ACTR3B: variants seen among roughly 807,000 people sequenced by gnomAD.
The protein encoded by ACTR3B is actin-related protein 3B.
A neutral mutation model predicts 59.0 loss-of-function variants in ACTR3B; 8 were observed. That is an observed-to-expected ratio of 0.14 (90% CI 0.08 to 0.24). The LOEUF (loss-of-function observed/expected upper bound fraction) is 0.24, where lower values mean the gene tolerates loss of function less well. ACTR3B is among the 10% of genes least tolerant of loss of function. The pLI, the probability that ACTR3B is intolerant of heterozygous loss-of-function variation, is 1.00. For missense variants in ACTR3B, 245 were observed against 552.3 expected, an observed-to-expected ratio of 0.44 and a Z score of 5.58; for synonymous variants, 148 against 197.9, an observed-to-expected ratio of 0.75 and a Z score of 2.12.
intron 9 of ACTR3B, among the ~76,000 whole-genome samples, chr7:152,829,746 G>A (rs1026250932): frequency 8.5e-5 from 13 of 152,260 alleles, no homozygotes; most frequent in South Asian, 6.2e-4. Flanking sequence ...TGACTCTAAT[G>A]TGCTTCTAAC....
At chr7:152,791,123 G>A in intron 2 of ACTR3B, among the ~76,000 whole-genome samples, 1 of 150,352 alleles carries the variant, frequency 6.7e-6, no homozygotes, top group Non-Finnish European at 1.5e-5. Context: ...AAGCAATTCT[G>A]CCTCAGCCTC....
At chr7:152,823,882 A>G (rs1796378923) in intron 8 of ACTR3B, among the ~76,000 whole-genome samples, 2 of 152,116 alleles carry the variant, frequency 1.3e-5, no homozygotes, top group Admixed American at 1.3e-4. Context: ...ATAATATGTA[A>G]CCTTTCTATC....
intron 9 of ACTR3B, among the ~76,000 whole-genome samples, chr7:152,832,123 G>C (rs974258538): frequency 1.3e-5 from 2 of 152,130 alleles, no homozygotes; most frequent in African/African-American, 4.8e-5. Flanking sequence ...GGAGGAAGCC[G>C]GGAGAGGAGA....
At chr7:152,834,255 A>G (rs1433778026) in intron 9 of ACTR3B, among the ~76,000 whole-genome samples, 2 of 151,796 alleles carry the variant, frequency 1.3e-5, no homozygotes, top group Non-Finnish European at 2.9e-5. Flanking sequence ...CTGGGTTCAA[A>G]CAATTCTTCA....
chr7:152,794,035 T>C (rs1360274946), intron 2 of ACTR3B, among the ~76,000 whole-genome samples: 2 of 151,932 alleles, frequency 1.3e-5, no homozygotes, highest in African/African-American at 4.8e-5. Flanking sequence ...GATTTCTCCA[T>C]TGTGTTCATA....
At chr7:152,763,144 C>T (rs1426485966) in intron 1 of ACTR3B, among the ~76,000 whole-genome samples, 7 of 151,582 alleles carry the variant, frequency 4.6e-5, no homozygotes, top group South Asian at 2.1e-4. Context: ...GGTGAAACCC[C>T]GTCTCTACTA....
chr7:152,801,788 T>C (rs1259788393), intron 4 of ACTR3B, 57 bp downstream of exon 4: 1 of 609,790 alleles, frequency 1.6e-6, no homozygotes, highest in African/African-American at 1.9e-5. Flanking sequence ...TGCTTAGATT[T>C]TAAACTGAAG....
At chr7:152,790,870 G>A (rs964374875) in intron 2 of ACTR3B, among the ~76,000 whole-genome samples, 1 of 152,056 alleles carries the variant, frequency 6.6e-6, no homozygotes, top group African/African-American at 2.4e-5. Context: ...CAGTCTTCTC[G>A]ATAACCTTCC....
At chr7:152,833,051 T>TAAGTGGCAC (rs1340699245) in intron 9 of ACTR3B, among the ~76,000 whole-genome samples, 5 of 152,128 alleles carry the variant, frequency 3.3e-5, no homozygotes, top group African/African-American at 1.2e-4. Context: ...GGGGCCCTGT[T>TAAGTGGCAC]AAGTGGCACT....
chr7:152,786,853 A>T (rs1312712660), intron 2 of ACTR3B, among the ~76,000 whole-genome samples: 1 of 152,196 alleles, frequency 6.6e-6, no homozygotes, highest in Non-Finnish European at 1.5e-5. Flanking sequence ...AACTTTCTGC[A>T]TGGTCTTTAA....
At chr7:152,782,622 A>G (rs571387770) in intron 1 of ACTR3B, among the ~76,000 whole-genome samples, 56 of 152,066 alleles carry the variant, frequency 3.7e-4, no homozygotes, top group African/African-American at 1.4e-3. Context: ...GACATATGCC[A>G]TGACATTTTA....
rs553975064 is a variant in ACTR3B at position 152,814,660 on chromosome 7, G to T, written c.432+15G>T. 6.2e-7 allele frequency: 1 copy of T among 1,603,480 alleles called. No individual in the cohort carries two copies. Among genetic ancestry groups the T allele is most frequent in the East Asian group, 2.2e-5 (1 of 44,814 alleles). Reference sequence around the variant, plus strand: ...TTGCAGTTCAGGTAAAACCAGTTACGTTTGTGATTCCTAAAGCACCTGAGC... The same window carrying T: ...TTGCAGTTCAGGTAAAACCAGTTACTTTTGTGATTCCTAAAGCACCTGAGC... On this transcript the variant is annotated intron_variant, in intron 5 of 11. Coordinates refer to ENST00000256001, the MANE Select transcript of ACTR3B (RefSeq NM_020445.6).
Position 152,855,021 on chromosome 7 carries a change from A to G in ACTR3B, c.*468A>G, listed in dbSNP as rs1799148589. ...TTCCTATCATTTTGTATTTTATGGTATTTGGTACAACTGGCTGATACTAAG... is the reference window on the plus strand; with the variant it reads ...TTCCTATCATTTTGTATTTTATGGTGTTTGGTACAACTGGCTGATACTAAG... On this transcript the variant is annotated 3_prime_UTR_variant, in exon 12 of 12. Transcript: ENST00000256001. 1.3e-5 allele frequency: 2 copies of G among 158,096 alleles called. No individual in the cohort carries two copies. The highest frequency in any genetic ancestry group is 2.8e-5 in the Non-Finnish European group (2 of 71,474). 9.8% of individuals were successfully genotyped at this position (158,096 alleles called of 1,614,324 possible). A position where few individuals can be genotyped will look rare whatever the true frequency, so the allele number is the denominator to read the frequency against.
chr7:152,833,549 C>T (rs965353530), intron 9 of ACTR3B, among the ~76,000 whole-genome samples: 10 of 152,292 alleles, frequency 6.6e-5, no homozygotes, highest in East Asian at 5.8e-4. Context: ...GGTTCTTTAC[C>T]TTGCACCTGC....
At chr7:152,840,587 C>T (rs1212067846) in intron 9 of ACTR3B, among the ~76,000 whole-genome samples, 3 of 147,350 alleles carry the variant, frequency 2.0e-5, no homozygotes, top group Non-Finnish European at 4.5e-5. Context: ...TCCGAACGCC[C>T]TGTCAGGAAA....
chr7:152,844,762 T>G (rs954487103), intron 9 of ACTR3B, among the ~76,000 whole-genome samples: 5 of 147,006 alleles, frequency 3.4e-5, no homozygotes, highest in Admixed American at 1.4e-4. Flanking sequence ...CAGAGCCTTA[T>G]GCACAAGAGC....
intron 2 of ACTR3B, among the ~76,000 whole-genome samples, chr7:152,791,117 A>G (rs1459416920): frequency 2.0e-5 from 3 of 150,996 alleles, no homozygotes; most frequent in East Asian, 3.9e-4. Flanking sequence ...GGGTTCAAGC[A>G]ATTCTGCCTC....
intron 1 of ACTR3B, among the ~76,000 whole-genome samples, chr7:152,765,920 G>C (rs1590189494): frequency 6.6e-6 from 1 of 152,248 alleles, no homozygotes; most frequent in Middle Eastern, 3.4e-3. Context: ...GGGTGAGATT[G>C]TGAGCACGAG....
chr7:152,813,447 T>C (rs1245093016), intron 4 of ACTR3B: 3 of 152,260 alleles, frequency 2.0e-5, no homozygotes, highest in Non-Finnish European at 4.4e-5. Flanking sequence ...GTTATTGTTT[T>C]AAAATAGATA....
Sources: allele counts gnomAD v4.1 joint callset (sites outside exome capture counted in the v4.1 genomes callset), GRCh38; gene constraint gnomAD v4.1.1; transcripts MANE v1.5; gene names NCBI Gene and HGNC (gene_info 2026-07-23, HGNC 2026-07-21).